POU2F3: variants seen among roughly 807,000 people sequenced by gnomAD.
The protein encoded by POU2F3 is POU class 2 homeobox 3.
In POU2F3, 23 loss-of-function variants were observed where a neutral mutation model predicts 59.2. That is an observed-to-expected ratio of 0.39 (90% CI 0.28 to 0.55). POU2F3 has a LOEUF of 0.55. Among genes scored for constraint, POU2F3 ranks in the 20% least tolerant of loss-of-function variants. POU2F3 has a pLI of 0.66. For synonymous variants in POU2F3, 190 were observed against 214.6 expected, an observed-to-expected ratio of 0.89 and a Z score of 1.00; for missense variants, 473 against 544.5, an observed-to-expected ratio of 0.87 and a Z score of 1.31.
At chr11:120,279,331 G>A (rs927691360) in intron 3 of POU2F3, among the ~76,000 whole-genome samples, 8 of 152,060 alleles carry the variant, frequency 5.3e-5, no homozygotes, top group Non-Finnish European at 7.4e-5. Context: ...TAGGGATGGC[G>A]TAAGAATGAA....
chr11:120,251,176 G>A (rs1939081435), intron 2 of POU2F3, among the ~76,000 whole-genome samples: 1 of 152,148 alleles, frequency 6.6e-6, no homozygotes, highest in Non-Finnish European at 1.5e-5. Context: ...ATCTTGCTAT[G>A]TTGCCCAAGC....
intron 2 of POU2F3, among the ~76,000 whole-genome samples, chr11:120,252,982 G>A (rs937969810): frequency 6.6e-6 from 1 of 152,166 alleles, no homozygotes; most frequent in Admixed American, 6.5e-5. Context: ...GAAAAAGGAG[G>A]GGGAGCCTGG....
intron 2 of POU2F3, among the ~76,000 whole-genome samples, chr11:120,268,271 A>G (rs1487973632): frequency 6.6e-6 from 1 of 152,150 alleles, no homozygotes; most frequent in Non-Finnish European, 1.5e-5. Flanking sequence ...TCCTCTCGGT[A>G]GGGTGATTTT....
intron 2 of POU2F3, among the ~76,000 whole-genome samples, chr11:120,260,396 G>A (rs1318556819): frequency 6.6e-6 from 1 of 152,240 alleles, no homozygotes; most frequent in Non-Finnish European, 1.5e-5. Context: ...CATCCACGGT[G>A]TCCACAGATG....
chr11:120,246,369 T>A, intron 1 of POU2F3, 80 bp from the exon 2 acceptor site: 1 of 1,354,456 alleles, frequency 7.4e-7, no homozygotes, highest in Admixed American at 1.7e-5. Context: ...CATTCATCTT[T>A]GTTATTTAGT....
chr11:120,280,040 C>CA (rs1940500142), intron 3 of POU2F3, among the ~76,000 whole-genome samples: 1 of 152,026 alleles, frequency 6.6e-6, no homozygotes, highest in Non-Finnish European at 1.5e-5. Context: ...GTGCAGGAGC[C>CA]AAAAAGTGGC....
intron 3 of POU2F3, among the ~76,000 whole-genome samples, chr11:120,270,254 T>G (rs1408604998): frequency 6.6e-6 from 1 of 152,130 alleles, no homozygotes; most frequent in Non-Finnish European, 1.5e-5. Flanking sequence ...TAGGACATGG[T>G]CTCTGCCTTG....
intron 3 of POU2F3, among the ~76,000 whole-genome samples, chr11:120,274,872 A>G (rs144543996): frequency 6.6e-6 from 1 of 152,322 alleles, no homozygotes; most frequent in East Asian, 1.9e-4. Context: ...GGTCAAAGGG[A>G]CAGGAGGGGA....
chr11:120,253,788 T>C (rs1939219010), intron 2 of POU2F3: 1 of 152,278 alleles, frequency 6.6e-6, no homozygotes, highest in Non-Finnish European at 1.5e-5. Flanking sequence ...GCGTTGTGTA[T>C]TAGAAAGTCT....
intron 1 of POU2F3, among the ~76,000 whole-genome samples, chr11:120,242,411 C>A (rs1216359409): frequency 6.6e-6 from 1 of 152,094 alleles, no homozygotes; most frequent in Non-Finnish European, 1.5e-5. Context: ...CATTATGGGT[C>A]CCTCTCTAGG....
At chr11:120,255,251 G>A (rs1209885638) in intron 2 of POU2F3, among the ~76,000 whole-genome samples, 1 of 152,156 alleles carries the variant, frequency 6.6e-6, no homozygotes, top group African/African-American at 2.4e-5. Context: ...GTAGGCTGGC[G>A]TATCTGGACC....
intron 3 of POU2F3, among the ~76,000 whole-genome samples, chr11:120,287,631 T>A (rs1230507320): frequency 1.3e-5 from 2 of 152,166 alleles, no homozygotes; most frequent in Non-Finnish European, 2.9e-5. Flanking sequence ...TGGTAGCTGC[T>A]CCCTAGCCTT....
At chr11:120,241,592 G>C (rs1218463841) in intron 1 of POU2F3, among the ~76,000 whole-genome samples, 1 of 152,198 alleles carries the variant, frequency 6.6e-6, no homozygotes, top group Non-Finnish European at 1.5e-5. Flanking sequence ...TCTGAGGAAA[G>C]TCTGTTTCTA....
intron 3 of POU2F3, among the ~76,000 whole-genome samples, chr11:120,274,944 C>T (rs1212093492): frequency 3.3e-5 from 5 of 152,090 alleles, no homozygotes; most frequent in Non-Finnish European, 5.9e-5. Context: ...TCAGAGCATA[C>T]GGAGCAATAC....
At chr11:120,287,394 A>T (rs1422578735) in intron 3 of POU2F3, among the ~76,000 whole-genome samples, 2 of 152,248 alleles carry the variant, frequency 1.3e-5, no homozygotes, top group African/African-American at 4.8e-5. Context: ...GGCCATAGTA[A>T]GCAAGATAGG....
rs144974549 is a variant in POU2F3, at chr11:120,251,684, C to T, written c.97+5167C>T. Among the ~76,000 whole-genome samples, 786 of 151,974 alleles carry T rather than the reference C, an allele frequency of 5.2e-3. 7 individuals carry two copies. The highest frequency in any genetic ancestry group is 0.018 in the African/African-American group (729 of 41,468). Reference sequence around the variant, plus strand: ...CCATGCCTCTCTCTTCTTTTGGAGACATTTCAAACCCATCCCTGGAAAATG... The same window carrying T: ...CCATGCCTCTCTCTTCTTTTGGAGATATTTCAAACCCATCCCTGGAAAATG... On this transcript the variant is annotated intron_variant, in intron 2 of 12. Transcript: ENST00000543440.
Position 120,318,616 on chromosome 11 carries a change from C to G in POU2F3, c.*224C>G. On this transcript the variant is annotated 3_prime_UTR_variant, in exon 13 of 13. Coordinates refer to ENST00000543440, the MANE Select transcript of POU2F3 (RefSeq NM_014352.4). ...ATGCTCTTGAAATACACAGCCCCTC[C>G]TAGGAGCTTACCATTTTCACCTTCC... 1 of 505,470 alleles carries G rather than the reference C, an allele frequency of 2.0e-6. No homozygotes were observed. The highest frequency in any genetic ancestry group is 3.3e-5 in the East Asian group (1 of 30,746). 31.3% of individuals were successfully genotyped at this position (505,470 alleles called of 1,614,324 possible).
intron 4 of POU2F3, among the ~76,000 whole-genome samples, chr11:120,299,304 A>G (rs1324922125): frequency 6.6e-6 from 1 of 152,208 alleles, no homozygotes; most frequent in Non-Finnish European, 1.5e-5. Flanking sequence ...GATGGGTCAT[A>G]CCCAGGCTTT....
chr11:120,300,117 G>A lies in POU2F3; in HGVS notation c.361+391G>A, dbSNP rs548925842. On this transcript the variant is annotated intron_variant, in intron 5 of 12. Coordinates refer to ENST00000543440, the MANE Select transcript of POU2F3 (RefSeq NM_014352.4). ...GACACAGATTCAGACTTGCTTCCTG[G>A]AAGCCTGGCTGTGATTCTATTTGGA... Among the ~76,000 whole-genome samples the A allele has an allele frequency of 2.6e-5, 4 of 152,296 alleles. No individual in the cohort carries two copies. The South Asian group carries it at 8.3e-4, about 32-fold the overall frequency.
Sources: gnomAD v4.1 joint callset for allele counts (sites outside exome capture counted in the v4.1 genomes callset) on GRCh38, gnomAD v4.1.1 for gene constraint, MANE v1.5 for transcripts, NCBI Gene and HGNC (gene_info 2026-07-23, HGNC 2026-07-21) for gene names.